The following RGS6 variants were observed in gnomAD, a reference collection of about 807,000 sequenced individuals.
RGS6 encodes the protein regulator of G protein signaling 6, also known as regulator of G-protein signaling 6.
RGS6 carries 30 observed loss-of-function variants against 78.5 expected under a neutral mutation model. The ratio of observed to expected loss-of-function variants is 0.38; its 90% CI spans 0.29 to 0.52. RGS6 has a LOEUF of 0.52. Ranked by LOEUF, RGS6 falls within the 20% of genes least tolerant of loss-of-function variation. The pLI, the probability that RGS6 is intolerant of heterozygous loss-of-function variation, is 0.85. For synonymous variants in RGS6, 206 were observed against 206.0 expected (o/e 1.00, Z 0.00); for missense variants, 495 against 609.7 (o/e 0.81, Z 1.98).
intron 14 of RGS6, among the ~76,000 whole-genome samples, chr14:72,512,871 G>A (rs897980351): frequency 6.6e-6 from 1 of 152,240 alleles, no homozygotes; most frequent in Admixed American, 6.5e-5. Context: ...AGGGCTGGCG[G>A]ATTTAGAGCT....
intron 1 of RGS6, among the ~76,000 whole-genome samples, chr14:71,946,807 C>G (rs2091593495): frequency 6.6e-6 from 1 of 152,186 alleles, no homozygotes; most frequent in Admixed American, 6.5e-5. Flanking sequence ...ACCCCCCATA[C>G]AGAGTGAGGT....
At chr14:72,026,209 C>G (rs1459599200) in intron 2 of RGS6, among the ~76,000 whole-genome samples, 2 of 151,930 alleles carry the variant, frequency 1.3e-5, no homozygotes, top group Non-Finnish European at 2.9e-5. Context: ...GAGTTCGAGA[C>G]TAGCCTGGCT....
chr14:72,609,095 G>A, the RGS6 span, among the ~76,000 whole-genome samples: 6 of 152,184 alleles, frequency 3.9e-5, no homozygotes, highest in East Asian at 1.9e-4. Flanking sequence ...GATTCACTAC[G>A]TGGGTAGTCA....
intron 3 of RGS6, among the ~76,000 whole-genome samples, chr14:72,410,327 A>G (rs1030994282): frequency 1.3e-5 from 2 of 152,186 alleles, no homozygotes; most frequent in Non-Finnish European, 2.9e-5. Context: ...AGTGATGATG[A>G]GCATTTTTTC....
At chr14:72,150,758 C>T (rs1427580737) in intron 2 of RGS6, among the ~76,000 whole-genome samples, 1 of 152,086 alleles carries the variant, frequency 6.6e-6, no homozygotes, top group East Asian at 1.9e-4. Context: ...CACCCAGTCA[C>T]CTCCCACCAG....
intron 3 of RGS6, among the ~76,000 whole-genome samples, chr14:72,400,845 G>T (rs1375693778): frequency 6.6e-6 from 1 of 152,176 alleles, no homozygotes; most frequent in Non-Finnish European, 1.5e-5. Flanking sequence ...TCCCTGGTTA[G>T]AAGGAGAAGC....
the RGS6 span, among the ~76,000 whole-genome samples, chr14:71,889,603 GT>G: frequency 2.0e-5 from 3 of 152,174 alleles, no homozygotes; most frequent in Non-Finnish European, 4.4e-5. Flanking sequence ...GGATAATTGA[GT>G]TGGGGGAGAG....
chr14:72,238,908 C>G (rs1306407029), intron 2 of RGS6, among the ~76,000 whole-genome samples: 1 of 152,178 alleles, frequency 6.6e-6, no homozygotes, highest in African/African-American at 2.4e-5. Context: ...TTAGGCAGCC[C>G]GGTTGTTACC....
At chr14:72,396,480 T>C (rs28827902) in intron 3 of RGS6, among the ~76,000 whole-genome samples, 83,735 of 151,850 alleles carry the variant, frequency 0.55, 25,860 homozygotes, top group African/African-American at 0.84. Flanking sequence ...AAAATTTTCT[T>C]CCATTCTGTA....
At chr14:72,257,911 C>T (rs1054173429) in intron 2 of RGS6, among the ~76,000 whole-genome samples, 2 of 152,172 alleles carry the variant, frequency 1.3e-5, no homozygotes, top group Non-Finnish European at 2.9e-5. Flanking sequence ...ACTGCTCTAG[C>T]ATTGTTTATA....
chr14:72,141,901 A>AC (rs1320893478), intron 2 of RGS6, among the ~76,000 whole-genome samples: 6 of 151,874 alleles, frequency 4.0e-5, no homozygotes, highest in Middle Eastern at 3.4e-3. Context: ...TTAAAAAAAA[A>AC]AAAACAAAAC....
rs140644767 is a variant in RGS6, at chr14:72,340,219, G to T, written c.85-11876G>T. Among the ~76,000 whole-genome samples, 46 of 152,232 alleles carry T rather than the reference G, an allele frequency of 3.0e-4. No individual in the cohort carries two copies. The East Asian group carries it at 8.3e-3, about 28-fold the overall frequency. ...GTTCTCTACACTACAATTTATCTCA[G>T]TATCCCTCCCCAGCTGGTGGCTCTC... On this transcript the variant is annotated intron_variant, in intron 2 of 17. Coordinates refer to ENST00000553525, the MANE Select transcript of RGS6 (RefSeq NM_001204424.2).
At chr14:72,193,081 C>T (rs2097348800) in intron 2 of RGS6, among the ~76,000 whole-genome samples, 1 of 152,000 alleles carries the variant, frequency 6.6e-6, no homozygotes, top group South Asian at 2.1e-4. Context: ...CAACCTCCGC[C>T]TCCTGAGTTT....
chr14:72,350,015 T>C (rs1219395169), intron 2 of RGS6, among the ~76,000 whole-genome samples: 3 of 152,198 alleles, frequency 2.0e-5, no homozygotes, highest in East Asian at 1.9e-4. Context: ...CAATAAATAA[T>C]ACTCAAATTG....
At chr14:72,607,647 T>A in the RGS6 span, among the ~76,000 whole-genome samples, 1 of 152,220 alleles carries the variant, frequency 6.6e-6, no homozygotes, top group Non-Finnish European at 1.5e-5. Context: ...AAGGCCTGAA[T>A]GTGGGTGTCT....
rs141520126 is a variant in RGS6 at position 72,350,985 on chromosome 14, A to G, written c.85-1110A>G. ...GCTCTAACTTTGCCTCTAACAAGTTATCTATTTCTATCAAACAAGTTATTA... is the reference window on the plus strand; with the variant it reads ...GCTCTAACTTTGCCTCTAACAAGTTGTCTATTTCTATCAAACAAGTTATTA... On this transcript the variant is annotated intron_variant, in intron 2 of 17. Coordinates refer to ENST00000553525, the MANE Select transcript of RGS6 (RefSeq NM_001204424.2). 2.4e-3 allele frequency among the ~76,000 whole-genome samples: 371 copies of G among 152,294 alleles called. 1 individual carries two copies. Among genetic ancestry groups the G allele is most frequent in the Middle Eastern group, 0.014 (4 of 294 alleles).
chr14:72,085,706 T>C (rs966866582), intron 2 of RGS6, among the ~76,000 whole-genome samples: 1 of 151,666 alleles, frequency 6.6e-6, no homozygotes, highest in Non-Finnish European at 1.5e-5. Flanking sequence ...ATACAAAAAT[T>C]AGCTGGGTGT....
rs189788850 is a variant in RGS6 at position 72,212,231 on chromosome 14, G to A, written c.85-139864G>A. Among the ~76,000 whole-genome samples the A allele has an allele frequency of 3.2e-3, 490 of 152,298 alleles. 4 individuals carry two copies. Among genetic ancestry groups the A allele is most frequent in the Non-Finnish European group, 4.5e-3 (303 of 68,020 alleles). ...GAGGACTCAGCACCAAGACTTCTAA[G>A]ACATGAAGCACTGGGCAATGCTTTG... On this transcript the variant is annotated intron_variant, in intron 2 of 17. Coordinates refer to ENST00000553525, the MANE Select transcript of RGS6 (RefSeq NM_001204424.2).
chr14:72,015,642 C>G (rs536359975), intron 2 of RGS6, among the ~76,000 whole-genome samples: 3 of 152,282 alleles, frequency 2.0e-5, no homozygotes, highest in Admixed American at 2.0e-4. Context: ...GGTTCTAGAA[C>G]GTGCACATTT....
Sources: allele counts gnomAD v4.1 joint callset (sites outside exome capture counted in the v4.1 genomes callset), GRCh38; gene constraint gnomAD v4.1.1; transcripts MANE v1.5; gene names NCBI Gene and HGNC (gene_info 2026-07-23, HGNC 2026-07-21).